TEX9: variants seen among roughly 807,000 people sequenced by gnomAD.
The protein encoded by TEX9 is testis-expressed protein 9.
TEX9 carries 74 observed loss-of-function variants against 59.6 expected under a neutral mutation model. The observed-to-expected ratio is 1.24, with a 90% CI of 1.03 to 1.51. The LOEUF (loss-of-function observed/expected upper bound fraction) is 1.51. TEX9 is among the 40% of genes most tolerant of loss of function. The pLI, the probability that TEX9 is intolerant of heterozygous loss-of-function variation, is 0.00. For synonymous variants in TEX9, 186 were observed against 152.2 expected (o/e 1.22, Z -1.64); for missense variants, 522 against 447.8 (o/e 1.17, Z -1.49).
chr15:56,274,100 G>C (rs1210342367), intron 1 of TEX9, among the ~76,000 whole-genome samples: 1 of 151,918 alleles, frequency 6.6e-6, no homozygotes, highest in East Asian at 1.9e-4. Context: ...CCCTATGTAG[G>C]ATTACCATTC....
At chr15:56,339,334 G>A (rs1222758428) in intron 1 of TEX9, among the ~76,000 whole-genome samples, 3 of 123,588 alleles carry the variant, frequency 2.4e-5, no homozygotes, top group African/African-American at 9.7e-5. Context: ...AGTAAGCCCT[G>A]ATCACGCCAC....
chr15:56,437,147 C>T (rs2050740288), intron 12 of TEX9, among the ~76,000 whole-genome samples: 1 of 151,964 alleles, frequency 6.6e-6, no homozygotes, highest in Non-Finnish European at 1.5e-5. Flanking sequence ...GTCATCCTGA[C>T]AGAGACACCA....
At chr15:56,350,690 T>G (rs1448499902) in intron 1 of TEX9, among the ~76,000 whole-genome samples, 1 of 152,216 alleles carries the variant, frequency 6.6e-6, no homozygotes, top group African/African-American at 2.4e-5. Flanking sequence ...CCCATAAATA[T>G]CATACTTTTT....
intron 1 of TEX9, among the ~76,000 whole-genome samples, chr15:56,332,794 G>A (rs539857107): frequency 6.6e-6 from 1 of 152,092 alleles, no homozygotes; most frequent in Admixed American, 6.5e-5. Context: ...TAAGAAAAAA[G>A]GGAGAAGATC....
intron 3 of TEX9, among the ~76,000 whole-genome samples, chr15:56,381,236 A>G (rs1368943573): frequency 2.0e-5 from 3 of 152,074 alleles, no homozygotes; most frequent in Non-Finnish European, 2.9e-5. Flanking sequence ...TAACTCCAGA[A>G]TTTCTCGATT....
At chr15:56,344,012 A>G (rs930834136) in intron 1 of TEX9, among the ~76,000 whole-genome samples, 1 of 152,214 alleles carries the variant, frequency 6.6e-6, no homozygotes, top group Non-Finnish European at 1.5e-5. Flanking sequence ...TAAGATGGAC[A>G]ATAACAAATG....
At chr15:56,448,659 A>C (rs1232954212), downstream of TEX9, among the ~76,000 whole-genome samples, 2 of 151,830 alleles carry the variant, frequency 1.3e-5, no homozygotes, top group African/African-American at 4.8e-5. Context: ...GATTAATTCC[A>C]TGTCTTTGCT....
intron 1 of TEX9, among the ~76,000 whole-genome samples, chr15:56,278,748 T>C (rs1301892888): frequency 6.6e-6 from 1 of 152,008 alleles, no homozygotes; most frequent in East Asian, 1.9e-4. Context: ...TCATAGGTTT[T>C]GGGTTCCTCA....
At chr15:56,289,593 A>G (rs1361333780) in intron 1 of TEX9, among the ~76,000 whole-genome samples, 3 of 152,152 alleles carry the variant, frequency 2.0e-5, no homozygotes, top group South Asian at 2.1e-4. Context: ...GCAGTAATTA[A>G]TGGCTGCTAA....
intron 3 of TEX9, among the ~76,000 whole-genome samples, chr15:56,383,181 A>G (rs1180182183): frequency 1.3e-5 from 2 of 152,292 alleles, no homozygotes; most frequent in Middle Eastern, 3.4e-3. Context: ...ACAGGGCAGC[A>G]CTGAGTTCAA....
At chr15:56,350,409 G>A (rs2046554753) in intron 1 of TEX9, among the ~76,000 whole-genome samples, 1 of 152,156 alleles carries the variant, frequency 6.6e-6, no homozygotes, top group Admixed American at 6.5e-5. Flanking sequence ...TCCAGAAACA[G>A]CAATGGGAAA....
chr15:56,316,869 C>G (rs887318998), intron 1 of TEX9, among the ~76,000 whole-genome samples: 1 of 152,222 alleles, frequency 6.6e-6, no homozygotes, highest in Non-Finnish European at 1.5e-5. Context: ...GTTTTTTAAG[C>G]CCGTCGGAAA....
intron 1 of TEX9, among the ~76,000 whole-genome samples, chr15:56,343,989 A>G (rs62047376): frequency 0.31 from 47,308 of 152,056 alleles, 8,048 homozygotes; most frequent in Middle Eastern, 0.48. Context: ...CACCCATGAG[A>G]TGGCTATCTA....
intron 10 of TEX9, among the ~76,000 whole-genome samples, chr15:56,425,166 A>G (rs2050182108): frequency 6.6e-6 from 1 of 151,702 alleles, no homozygotes; most frequent in Non-Finnish European, 1.5e-5. Flanking sequence ...TGCTGTCAAG[A>G]TTTTCTCTTT....
At chr15:56,326,082 T>C (rs1381874577) in intron 1 of TEX9, among the ~76,000 whole-genome samples, 1 of 152,198 alleles carries the variant, frequency 6.6e-6, no homozygotes, top group East Asian at 1.9e-4. Flanking sequence ...ATGAGGGTCA[T>C]CCAAGTGACA....
At chr15:56,268,826 G>T (rs1344163214) in intron 1 of TEX9, among the ~76,000 whole-genome samples, 4 of 152,016 alleles carry the variant, frequency 2.6e-5, no homozygotes, top group African/African-American at 7.3e-5. Context: ...GTATCAGGAT[G>T]ATGTTGGCCT....
At chr15:56,456,323 C>T in the TEX9 span, 1 of 1,389,720 alleles carries the variant, frequency 7.2e-7, no homozygotes, top group Non-Finnish European at 9.6e-7. Context: ...ATTTCACTTT[C>T]AGGTGCTAAG....
chr15:56,268,822 G>A (rs1366974528), intron 1 of TEX9, among the ~76,000 whole-genome samples: 2 of 152,002 alleles, frequency 1.3e-5, no homozygotes, highest in Non-Finnish European at 2.9e-5. Context: ...TTTGGTATCA[G>A]GATGATGTTG....
chr15:56,428,270 C>A, intron 11 of TEX9, 97 bp from the exon 12 acceptor site: 1 of 818,372 alleles, frequency 1.2e-6, no homozygotes, highest in Non-Finnish European at 2.0e-6. Flanking sequence ...AACTTATATT[C>A]TGACAATATA....
Sources: allele counts gnomAD v4.1 joint callset (sites outside exome capture counted in the v4.1 genomes callset), GRCh38; gene constraint gnomAD v4.1.1; transcripts MANE v1.5; gene names NCBI Gene and HGNC (gene_info 2026-07-23, HGNC 2026-07-21).